The following AUTS2 variants were observed in gnomAD, a reference collection of about 807,000 sequenced individuals.
AUTS2 encodes activator of transcription and developmental regulator AUTS2.
In AUTS2, 17 loss-of-function variants were observed where a neutral mutation model predicts 112.4. The ratio of observed to expected loss-of-function variants is 0.15; its 90% CI spans 0.10 to 0.23. The LOEUF (loss-of-function observed/expected upper bound fraction) is 0.23. AUTS2 is among the 10% of genes least tolerant of loss of function. The pLI is 1.00. For missense variants in AUTS2, 1,510 were observed against 1,701.6 expected (o/e 0.89, Z 1.98); for synonymous variants, 751 against 702.7 (o/e 1.07, Z -1.09).
At chr7:70,560,042 C>G (rs2129522984) in intron 5 of AUTS2, among the ~76,000 whole-genome samples, 1 of 152,308 alleles carries the variant, frequency 6.6e-6, no homozygotes, top group Non-Finnish European at 1.5e-5. Context: ...TCACGCTGGC[C>G]TTTGGTCTGG....
chr7:70,633,667 C>G (rs1000717780), intron 5 of AUTS2, among the ~76,000 whole-genome samples: 3 of 150,168 alleles, frequency 2.0e-5, no homozygotes, highest in Non-Finnish European at 3.0e-5. Context: ...TTGATTGGGC[C>G]GTAGGTCTAG....
intron 5 of AUTS2, among the ~76,000 whole-genome samples, chr7:70,458,793 T>C (rs747747242): frequency 6.6e-6 from 1 of 152,216 alleles, no homozygotes; most frequent in Non-Finnish European, 1.5e-5. Context: ...TCTCGCTAGA[T>C]TGTGTCACCC....
chr7:70,010,936 T>C (rs922026250), intron 2 of AUTS2, among the ~76,000 whole-genome samples: 1 of 152,176 alleles, frequency 6.6e-6, no homozygotes, highest in Non-Finnish European at 1.5e-5. Flanking sequence ...AGCTTCATTG[T>C]TGGGCAGCCA....
chr7:70,380,023 A>G (rs1338349160), intron 4 of AUTS2, among the ~76,000 whole-genome samples: 1 of 152,236 alleles, frequency 6.6e-6, no homozygotes, highest in East Asian at 1.9e-4. Flanking sequence ...GTGAGGATGC[A>G]TCATGTACAA....
chr7:70,499,143 A>T (rs1490746128), intron 5 of AUTS2, among the ~76,000 whole-genome samples: 1 of 152,222 alleles, frequency 6.6e-6, no homozygotes, highest in East Asian at 1.9e-4. Context: ...GGATGCTTAC[A>T]GTCTCACGGA....
rs77030020 is a variant in AUTS2, at chr7:70,613,750, T to A, written c.691-84819T>A. On this transcript the variant is annotated intron_variant, in intron 5 of 18. Coordinates refer to ENST00000342771, the MANE Select transcript of AUTS2 (RefSeq NM_015570.4). ...GGGGAATGGAACAAAGCAAGATCCA[T>A]AGATGCGAGAAGAGAAATTAATCAG... Among the ~76,000 whole-genome samples, 846 of 152,244 alleles carry A rather than the reference T, an allele frequency of 5.6e-3. 9 individuals carry two copies. Among genetic ancestry groups the A allele is most frequent in the African/African-American group, 0.019 (798 of 41,524 alleles).
intron 4 of AUTS2, among the ~76,000 whole-genome samples, chr7:70,288,727 T>A (rs751941754): frequency 3.9e-5 from 6 of 151,906 alleles, no homozygotes; most frequent in Admixed American, 6.6e-5. Flanking sequence ...TGAAGACAAA[T>A]GGAAGAACAA....
chr7:70,700,997 C>A (rs1401797960), intron 6 of AUTS2, among the ~76,000 whole-genome samples: 2 of 152,208 alleles, frequency 1.3e-5, no homozygotes, highest in Non-Finnish European at 2.9e-5. Flanking sequence ...CTGGGGAAAT[C>A]TTCAAAGCCC....
At chr7:70,215,478 G>A (rs1811121144) in intron 4 of AUTS2, among the ~76,000 whole-genome samples, 1 of 152,150 alleles carries the variant, frequency 6.6e-6, no homozygotes, top group African/African-American at 2.4e-5. Context: ...GTTAGGGGCT[G>A]ACTCAATCAG....
chr7:70,007,984 C>T (rs1252815031), intron 2 of AUTS2, among the ~76,000 whole-genome samples: 3 of 152,036 alleles, frequency 2.0e-5, no homozygotes, highest in African/African-American at 7.2e-5. Flanking sequence ...ATTGATTGGG[C>T]ATTTTCCATG....
At position 70,763,415 on chromosome 7, in the gene AUTS2, G is replaced by T. The variant is rs1789705076; in HGVS notation, c.1214+74G>T. ...ATCAGGTGGGTGGGAGTCGGGGAGGGATCCCTAGGGAGACTGAGGTTTCCT... is the reference window on the plus strand; with the variant it reads ...ATCAGGTGGGTGGGAGTCGGGGAGGTATCCCTAGGGAGACTGAGGTTTCCT... On this transcript the variant is annotated intron_variant, in intron 7 of 18. Transcript: ENST00000342771. The T allele has an allele frequency of 1.3e-5, 14 of 1,073,240 alleles. 1 individual carries two copies. In the South Asian group the frequency reaches 2.1e-4, roughly 16 times the overall value. 66.5% of individuals were successfully genotyped at this position (1,073,240 alleles called of 1,614,324 possible). A position where few individuals can be genotyped will look rare whatever the true frequency, so the allele number is the denominator to read the frequency against.
chr7:70,417,113 C>CG (rs1795019298), intron 4 of AUTS2, among the ~76,000 whole-genome samples: 1 of 152,156 alleles, frequency 6.6e-6, no homozygotes, highest in South Asian at 2.1e-4. Flanking sequence ...AGACAGACTC[C>CG]GAGATGGCAA....
chr7:70,289,450 A>G (rs923967671), intron 4 of AUTS2, among the ~76,000 whole-genome samples: 1 of 152,206 alleles, frequency 6.6e-6, no homozygotes, highest in Non-Finnish European at 1.5e-5. Context: ...GAAGGTACTG[A>G]GGAATGTCCT....
At chr7:70,640,420 GGA>G (rs1805755115) in intron 5 of AUTS2, among the ~76,000 whole-genome samples, 1 of 32,394 alleles carries the variant, frequency 3.1e-5, no homozygotes, top group African/African-American at 1.1e-4. Context: ...ACTCACAGGG[GGA>G]AAAAAAAAAA....
At chr7:69,720,497 T>TAGAAAGTAA (rs1798871079) in intron 1 of AUTS2, among the ~76,000 whole-genome samples, 2 of 152,208 alleles carry the variant, frequency 1.3e-5, no homozygotes, top group African/African-American at 4.8e-5. Flanking sequence ...GAGCTTGCCA[T>TAGAAAGTAA]TTCTAGTAAT....
chr7:69,697,583 G>A (rs754236754), intron 1 of AUTS2, among the ~76,000 whole-genome samples: 4 of 152,274 alleles, frequency 2.6e-5, no homozygotes, highest in Non-Finnish European at 5.9e-5. Flanking sequence ...ATAAGTGAAA[G>A]AAAATGAATC....
In AUTS2 at chr7:70,396,682, TGA is replaced by T. The variant is rs373148153; in HGVS notation, c.661-39067_661-39066del. On this transcript the variant is annotated intron_variant, in intron 4 of 18. Transcript: ENST00000342771. ...GTGAGCCACTGCACCTGGCCTATTT[TGA>T]GATTCATCTATATGGCTGCATGCAT... is the stretch of plus-strand genomic sequence containing the variant. 4.6e-3 allele frequency among the ~76,000 whole-genome samples: 699 copies of T among 152,330 alleles called. 2 individuals are homozygous for T. Among genetic ancestry groups the T allele is most frequent in the African/African-American group, 0.016 (673 of 41,570 alleles).
intron 6 of AUTS2, among the ~76,000 whole-genome samples, chr7:70,762,523 C>G (rs1249117680): frequency 6.6e-6 from 1 of 152,122 alleles, no homozygotes; most frequent in Non-Finnish European, 1.5e-5. Flanking sequence ...CCAACTCGGC[C>G]TCTCAAAGTG....
intron 6 of AUTS2, among the ~76,000 whole-genome samples, chr7:70,722,216 C>G (rs531927316): frequency 1.3e-5 from 2 of 152,018 alleles, no homozygotes; most frequent in South Asian, 4.2e-4. Context: ...TTAGGAAGTC[C>G]TACTTTGTGA....
Sources: allele counts gnomAD v4.1 joint callset (sites outside exome capture counted in the v4.1 genomes callset), GRCh38; gene constraint gnomAD v4.1.1; transcripts MANE v1.5; gene names NCBI Gene and HGNC (gene_info 2026-07-23, HGNC 2026-07-21).